CDC14A: variants seen among roughly 807,000 people sequenced by gnomAD.
CDC14A encodes the protein dual specificity protein phosphatase CDC14A.
A neutral mutation model predicts 74.4 loss-of-function variants in CDC14A; 53 were observed. The ratio of observed to expected loss-of-function variants is 0.71; its 90% CI spans 0.57 to 0.89. CDC14A has a LOEUF of 0.89. Among genes scored for constraint, CDC14A ranks in the 40% least tolerant of loss-of-function variants. The probability of loss-of-function intolerance (pLI) is 0.00; values close to 1 mark genes in which losing one functional copy is unlikely to be tolerated. For synonymous variants in CDC14A, 247 were observed against 258.4 expected (o/e 0.96, Z 0.43); for missense variants, 646 against 713.7 (o/e 0.91, Z 1.08).
intron 10 of CDC14A, among the ~76,000 whole-genome samples, chr1:100,476,612 G>T (rs1571293722): frequency 6.7e-6 from 1 of 148,384 alleles, no homozygotes. Context: ...TCAGAGTCTT[G>T]TTTTTTTTTT....
chr1:100,384,923 G>A (rs1656636670), intron 3 of CDC14A, among the ~76,000 whole-genome samples: 1 of 152,198 alleles, frequency 6.6e-6, no homozygotes, highest in Non-Finnish European at 1.5e-5. Context: ...CTTGGCACCT[G>A]AGAACATCTG....
intron 4 of CDC14A, among the ~76,000 whole-genome samples, chr1:100,412,755 T>TATATATATATTTTA (rs1553179010): frequency 1.1e-5 from 1 of 94,302 alleles, no homozygotes; most frequent in African/African-American, 6.5e-5. Flanking sequence ...TATATATATT[T>TATATATATATTTTA]TATATATATA....
At chr1:100,372,944 A>G (rs1654685290) in intron 2 of CDC14A, among the ~76,000 whole-genome samples, 1 of 152,240 alleles carries the variant, frequency 6.6e-6, no homozygotes, top group South Asian at 2.1e-4. Context: ...CCAGATCACT[A>G]AAACTTTCTC....
At chr1:100,388,954 C>A (rs1388335611) in intron 3 of CDC14A, among the ~76,000 whole-genome samples, 6 of 152,206 alleles carry the variant, frequency 3.9e-5, no homozygotes, top group South Asian at 4.1e-4. Flanking sequence ...GCAGGTGGAT[C>A]ACTTAAGCCC....
At chr1:100,465,754 G>C (rs535676138) in intron 9 of CDC14A, among the ~76,000 whole-genome samples, 1 of 152,312 alleles carries the variant, frequency 6.6e-6, no homozygotes, top group South Asian at 2.1e-4. Context: ...ATGAATTCTT[G>C]AAATTCTCTA....
intron 12 of CDC14A, 144 bp from the exon 13 acceptor site, chr1:100,495,857 TG>T: frequency 1.6e-6 from 1 of 635,878 alleles, no homozygotes. Flanking sequence ...AGCCTGGTTC[TG>T]GGTAATCTAA....
chr1:100,402,237 C>T (rs1659361870), intron 4 of CDC14A, among the ~76,000 whole-genome samples: 1 of 151,970 alleles, frequency 6.6e-6, no homozygotes, highest in Non-Finnish European at 1.5e-5. Flanking sequence ...GATATGAGAG[C>T]ATGTTCTGTA....
intron 5 of CDC14A, among the ~76,000 whole-genome samples, chr1:100,434,489 A>G (rs1664085284): frequency 6.6e-6 from 1 of 152,228 alleles, no homozygotes; most frequent in Admixed American, 6.5e-5. Flanking sequence ...TTTGCCTTTT[A>G]AAAATATCAC....
Position 100,439,909 on chromosome 1 carries a change from G to C in CDC14A, c.390-23G>C, listed in dbSNP as rs369937222. 17 of 1,564,048 alleles carry C rather than the reference G, an allele frequency of 1.1e-5. No homozygotes were observed. The African/African-American group carries it at 2.0e-4, about 19-fold the overall frequency. ...AATGTTCTAAATGCAAGTTTTTAAT[G>C]TTGAGTTTATTTATGTTTATAGGGA... is the stretch of plus-strand genomic sequence containing the variant. On this transcript the variant is annotated intron_variant, in intron 5 of 15. Transcript: ENST00000336454.
intron 11 of CDC14A, 48 bp from the exon 12 acceptor site, chr1:100,494,770 T>C (rs1647534370): frequency 3.8e-6 from 4 of 1,050,940 alleles, no homozygotes; most frequent in Non-Finnish European, 5.9e-6. Flanking sequence ...AAGAAACCTA[T>C]ATAAAGCCAA....
intron 7 of CDC14A, among the ~76,000 whole-genome samples, chr1:100,446,302 A>G (rs1043133000): frequency 3.3e-5 from 5 of 152,260 alleles, no homozygotes; most frequent in African/African-American, 7.2e-5. Flanking sequence ...GCCTAAAACA[A>G]TAAGACTGTA....
intron 5 of CDC14A, among the ~76,000 whole-genome samples, chr1:100,427,778 G>A (rs1326566469): frequency 2.6e-5 from 4 of 152,182 alleles, no homozygotes; most frequent in African/African-American, 7.2e-5. Context: ...ACCTGCTGCA[G>A]GAGAGCTCAG....
upstream of CDC14A, chr1:100,351,696 G>T: frequency 1.3e-6 from 2 of 1,500,322 alleles, no homozygotes; most frequent in Non-Finnish European, 1.8e-6. Context: ...GTAAAGATTA[G>T]GCATCTGTGA....
chr1:100,483,428 C>T (rs1456544905), intron 10 of CDC14A, among the ~76,000 whole-genome samples: 1 of 152,120 alleles, frequency 6.6e-6, no homozygotes, highest in Non-Finnish European at 1.5e-5. Flanking sequence ...TATCTATGTT[C>T]TTACTGGTGG....
chr1:100,372,992 C>T lies in CDC14A; in HGVS notation c.141-4554C>T, dbSNP rs1025525614. 2.6e-5 allele frequency among the ~76,000 whole-genome samples: 4 copies of T among 152,160 alleles called. No homozygotes were observed. The East Asian group carries it at 5.8e-4, about 22-fold the overall frequency. ...AAAGCTATTTTGTTTTTGTATCATT[C>T]ATATGTTCACTGGGGTAGCACTATT... is the stretch of plus-strand genomic sequence containing the variant. On this transcript the variant is annotated intron_variant, in intron 2 of 15. Transcript: ENST00000336454.
chr1:100,394,106 CCTTA>C (rs143603702), intron 4 of CDC14A: 66,890 of 202,872 alleles, frequency 0.33, 13,489 homozygotes, highest in African/African-American at 0.6. Context: ...TCTCTTCTTT[CCTTA>C]CTTATTTATT....
chr1:100,432,517 G>T (rs149358017), intron 5 of CDC14A, among the ~76,000 whole-genome samples: 1 of 152,142 alleles, frequency 6.6e-6, no homozygotes, highest in African/African-American at 2.4e-5. Context: ...TATAAAAGGC[G>T]GGGTGTGGTG....
intron 7 of CDC14A, among the ~76,000 whole-genome samples, chr1:100,450,576 G>A (rs1026469581): frequency 1.3e-5 from 2 of 152,136 alleles, no homozygotes; most frequent in Non-Finnish European, 2.9e-5. Flanking sequence ...GAGCTGTCTG[G>A]TAGTGTTCAT....
upstream of CDC14A, among the ~76,000 whole-genome samples, chr1:100,347,928 C>A (rs942398670): frequency 3.3e-5 from 5 of 151,968 alleles, no homozygotes; most frequent in African/African-American, 1.2e-4. Context: ...ATATGTAAAC[C>A]ACACAGCTGT....
Sources: gnomAD v4.1 joint callset for allele counts (sites outside exome capture counted in the v4.1 genomes callset) on GRCh38, gnomAD v4.1.1 for gene constraint, MANE v1.5 for transcripts, NCBI Gene and HGNC (gene_info 2026-07-23, HGNC 2026-07-21) for gene names.